Variants in SFXN5 observed in about 807,000 individuals in gnomAD.
SFXN5 encodes sideroflexin-5.
SFXN5 carries 43 observed loss-of-function variants against 50.2 expected under a neutral mutation model. The observed-to-expected ratio is 0.86, with a 90% CI of 0.67 to 1.11. SFXN5 has a LOEUF of 1.11. Ranked by LOEUF, SFXN5 falls within the 50% of genes least tolerant of loss-of-function variation. The pLI is 0.00. For synonymous variants in SFXN5, 203 were observed against 185.8 expected (o/e 1.09, Z -0.75); for missense variants, 463 against 454.1 (o/e 1.02, Z -0.18).
chr2:73,013,066 T>C (rs1675735730), intron 6 of SFXN5, among the ~76,000 whole-genome samples: 1 of 152,030 alleles, frequency 6.6e-6, no homozygotes, highest in African/African-American at 2.4e-5. Flanking sequence ...CAAAGCTTAA[T>C]AAAAAGCTAA....
At chr2:73,041,417 C>T (rs6748246) in intron 2 of SFXN5, among the ~76,000 whole-genome samples, 10,584 of 152,104 alleles carry the variant, frequency 0.07, 1,011 homozygotes, top group African/African-American at 0.22. Flanking sequence ...TTAGGCCAGG[C>T]GCGGTGGCTC....
chr2:73,009,590 G>A (rs1221741291), intron 6 of SFXN5, among the ~76,000 whole-genome samples: 1 of 152,216 alleles, frequency 6.6e-6, no homozygotes, highest in Non-Finnish European at 1.5e-5. Flanking sequence ...AGGTATCCCA[G>A]GCCATGCTCC....
intron 2 of SFXN5, among the ~76,000 whole-genome samples, chr2:73,056,336 C>T (rs1052995914): frequency 2.7e-5 from 4 of 150,846 alleles, no homozygotes; most frequent in East Asian, 1.9e-4. Flanking sequence ...GAGCTGAGAT[C>T]GTGCCATTAC....
chr2:72,963,394 G>T (rs1436863101), intron 12 of SFXN5, among the ~76,000 whole-genome samples: 1 of 152,166 alleles, frequency 6.6e-6, no homozygotes, highest in African/African-American at 2.4e-5. Flanking sequence ...GTGGCTGGCT[G>T]AAGTACTCAG....
At chr2:73,019,066 T>C (rs2105813597) in intron 6 of SFXN5, among the ~76,000 whole-genome samples, 1 of 152,190 alleles carries the variant, frequency 6.6e-6, no homozygotes, top group East Asian at 1.9e-4. Context: ...ATAAAGAAAT[T>C]CTGATAATTT....
At chr2:73,052,582 A>ATTG (rs3043041) in intron 2 of SFXN5, among the ~76,000 whole-genome samples, 53,791 of 151,704 alleles carry the variant, frequency 0.35, 12,322 homozygotes, top group African/African-American at 0.64. Flanking sequence ...CTAGTATTGA[A>ATTG]TTGTTATTAA....
At chr2:73,006,187 AAGG>A (rs1674613969) in intron 6 of SFXN5, among the ~76,000 whole-genome samples, 1 of 152,092 alleles carries the variant, frequency 6.6e-6, no homozygotes, top group African/African-American at 2.4e-5. Context: ...TCCCTGGTCC[AAGG>A]AGGAGGACAG....
chr2:73,018,741 TAAAC>T (rs1676469609), intron 6 of SFXN5, among the ~76,000 whole-genome samples: 1 of 152,214 alleles, frequency 6.6e-6, no homozygotes, highest in Non-Finnish European at 1.5e-5. Context: ...GATCTTTGTG[TAAAC>T]AAACATATTC....
At chr2:73,046,235 C>A (rs1269712686) in intron 2 of SFXN5, among the ~76,000 whole-genome samples, 1 of 151,750 alleles carries the variant, frequency 6.6e-6, no homozygotes, top group Admixed American at 6.6e-5. Context: ...ATGGTGAAAC[C>A]CCATCTCTAC....
chr2:73,051,544 C>T lies in SFXN5; in HGVS notation c.171+6984G>A, dbSNP rs184297594. Among the ~76,000 whole-genome samples, 672 of 152,324 alleles carry T rather than the reference C, an allele frequency of 4.4e-3. 8 individuals carry two copies. Among genetic ancestry groups the T allele is most frequent in the African/African-American group, 0.016 (646 of 41,558 alleles). ...GTGCTGGGATTACAGGCGTGAGCCA[C>T]CGCCCCCAGCCTTCCAGCACTCATT... On this transcript the variant is annotated intron_variant, in intron 2 of 13. Coordinates refer to ENST00000272433, the MANE Select transcript of SFXN5 (RefSeq NM_144579.3).
rs1258134668 is a variant in SFXN5, at chr2:72,961,441, G to A, written c.828-193C>T. The stretch of plus-strand genomic sequence containing the variant: ...TCCCGATAGGTACCCCTATCCCAGC[G>A]GGTATAGACCCCTATCCCAATGTCT... On this transcript the variant is annotated intron_variant, in intron 12 of 13. Coordinates refer to ENST00000272433, the MANE Select transcript of SFXN5 (RefSeq NM_144579.3). The surrounding 1 kb of genome is among the most constrained non-coding windows in gnomAD (Gnocchi z 4.4). Among the ~76,000 whole-genome samples, 4 of 152,306 alleles carry A rather than the reference G, an allele frequency of 2.6e-5. No homozygotes were observed. The highest frequency in any genetic ancestry group is 2.1e-4 in the South Asian group (1 of 4,822).
intron 12 of SFXN5, among the ~76,000 whole-genome samples, chr2:72,966,458 G>A (rs1674416295): frequency 6.6e-6 from 1 of 152,156 alleles, no homozygotes; most frequent in South Asian, 2.1e-4. Flanking sequence ...ACGAGAGTCA[G>A]GGGCACAAAA....
At chr2:72,963,290 G>A (rs1673972502) in intron 12 of SFXN5, among the ~76,000 whole-genome samples, 1 of 152,224 alleles carries the variant, frequency 6.6e-6, no homozygotes, top group Non-Finnish European at 1.5e-5. Flanking sequence ...GGCAAGTGAA[G>A]AGCAGGCCAT....
At chr2:73,057,988 G>A (rs1230129462) in intron 2 of SFXN5, 2 of 152,186 alleles carry the variant, frequency 1.3e-5, no homozygotes, top group African/African-American at 2.4e-5. Flanking sequence ...AGCAGTATGA[G>A]ACCGGACTAA....
rs768488151 is a variant in SFXN5, at chr2:72,999,011, A to G, written c.472T>C (p.Ser158Pro). The G allele has an allele frequency of 1.9e-6, 3 of 1,614,148 alleles. No individual in the cohort carries two copies. The highest frequency in any genetic ancestry group is 2.5e-6 in the Non-Finnish European group (3 of 1,180,018). The change falls in exon 9 of 14, where the codon TCA (serine) becomes CCA (proline). Residue 158 changes from serine to proline, a missense_variant. Coordinates refer to ENST00000272433, the MANE Select transcript of SFXN5 (RefSeq NM_144579.3). Reference protein sequence around the residue: ...NYANRNATKPSPASKFIQGYL... With the variant: ...NYANRNATKPPPASKFIQGYL... ...CCCTGGATGAACTTGGATGCAGGTG[A>G]AGGCTGGAAAACAGAGGCAGAATTT... is the stretch of plus-strand genomic sequence containing the variant.
Position 72,992,703 on chromosome 2 carries a change from A to C in SFXN5, c.535-4355T>G, listed in dbSNP as rs889746470. 1.3e-5 allele frequency among the ~76,000 whole-genome samples: 2 copies of C among 152,182 alleles called. No individual in the cohort carries two copies. The highest frequency in any genetic ancestry group is 4.8e-5 in the African/African-American group (2 of 41,452). The stretch of plus-strand genomic sequence containing the variant: ...GCTCTCCCTGCTCCCAACACTCAGC[A>C]CGCAGCCTCTGTCCCTGGATGACAG... On this transcript the variant is annotated intron_variant, in intron 9 of 13. Transcript: ENST00000272433. This position sits in a 1 kb window ranked among gnomAD's most constrained non-coding sequence, Gnocchi z 4.5.
At chr2:72,996,053 G>A (rs767885827) in intron 9 of SFXN5, among the ~76,000 whole-genome samples, 2 of 152,190 alleles carry the variant, frequency 1.3e-5, no homozygotes, top group Non-Finnish European at 2.9e-5. Flanking sequence ...TGGGGGAGAA[G>A]CCATGGTGCC....
At position 73,001,429 on chromosome 2, in the gene SFXN5, G is replaced by T. The variant is rs10194871; in HGVS notation, c.411+96C>A. On this transcript the variant is annotated intron_variant, in intron 7 of 13. Transcript: ENST00000272433. ...TTGGGGTGGACTGACCCTACACGGG[G>T]TCTGGACGGGGCAGGAGACACCACA... is the stretch of plus-strand genomic sequence containing the variant. 9,082 of 1,314,630 alleles carry T rather than the reference G, an allele frequency of 6.9e-3. 455 individuals carry two copies. The African/African-American group carries it at 0.11, about 16-fold the overall frequency. 81.4% of individuals were successfully genotyped at this position (1,314,630 alleles called of 1,614,324 possible).
At chr2:72,999,118 T>C in intron 8 of SFXN5, 104 bp from the exon 9 acceptor site, 1 of 1,260,816 alleles carries the variant, frequency 7.9e-7, no homozygotes, top group East Asian at 2.4e-5. Context: ...CCCACCAGCC[T>C]GGAAAGTGGG....
Sources: gnomAD v4.1 joint callset for allele counts (sites outside exome capture counted in the v4.1 genomes callset) on GRCh38, gnomAD v4.1.1 for gene constraint, Gnocchi (gnomAD v3.1) non-coding constraint, MANE v1.5 for transcripts, NCBI Gene and HGNC (gene_info 2026-07-23, HGNC 2026-07-21) for gene names.